Variants in PTPN21 observed in about 807,000 individuals in gnomAD.
The protein encoded by PTPN21 is protein tyrosine phosphatase non-receptor type 21, also known as tyrosine-protein phosphatase non-receptor type 21.
Under a neutral mutation model 131.8 loss-of-function variants are expected in PTPN21, and 77 were observed. The ratio of observed to expected loss-of-function variants is 0.58; its 90% CI spans 0.49 to 0.71. PTPN21 has a LOEUF of 0.71. PTPN21 is among the 30% of genes least tolerant of loss of function. PTPN21 has a pLI of 0.00. For missense variants in PTPN21, 1,552 were observed against 1,527.1 expected (o/e 1.02, Z -0.27); for synonymous variants, 715 against 621.3 (o/e 1.15, Z -2.24).
intron 2 of PTPN21, among the ~76,000 whole-genome samples, chr14:88,523,750 CA>C (rs369556724): frequency 7.9e-5 from 12 of 151,828 alleles, no homozygotes; most frequent in Non-Finnish European, 1.3e-4. Context: ...CACACACACA[CA>C]CACACCCCTG....
In PTPN21 at chr14:88,495,625, C is replaced by T. The variant is rs542780482; in HGVS notation, c.932+788G>A. Among the ~76,000 whole-genome samples, 32 of 152,164 alleles carry T rather than the reference C, an allele frequency of 2.1e-4. No individual in the cohort carries two copies. In the South Asian group the frequency reaches 5.8e-3, roughly 28 times the overall value. On this transcript the variant is annotated intron_variant, in intron 10 of 18. Coordinates refer to ENST00000556564, the MANE Select transcript of PTPN21 (RefSeq NM_007039.4). ...GACAGGTCAGGAGAAGCCCCCTAGA[C>T]GAAAGGATTTGGAGAAAAGGCCTCA...
At chr14:88,551,417 G>A (rs1405511620) in intron 1 of PTPN21, 1 of 152,224 alleles carries the variant, frequency 6.6e-6, no homozygotes, top group African/African-American at 2.4e-5. Context: ...ACGGGGCCTT[G>A]GAGCACTCAG....
intron 2 of PTPN21, among the ~76,000 whole-genome samples, chr14:88,529,149 C>T (rs1273054400): frequency 2.6e-5 from 4 of 152,060 alleles, no homozygotes; most frequent in Admixed American, 2.6e-4. Flanking sequence ...AAGGTATGTC[C>T]CTTCTATGCC....
chr14:88,487,682 A>C (rs1287024924), intron 10 of PTPN21, among the ~76,000 whole-genome samples: 2 of 152,200 alleles, frequency 1.3e-5, no homozygotes, highest in African/African-American at 4.8e-5. Context: ...TCCAAAAGAT[A>C]TTCCATTCTT....
At chr14:88,496,268 G>T in intron 10 of PTPN21, 145 bp downstream of exon 10, 1 of 655,228 alleles carries the variant, frequency 1.5e-6, no homozygotes, top group Non-Finnish European at 2.6e-6. Context: ...TTACAAGTTG[G>T]TCCAAAGCTA....
At position 88,551,558 on chromosome 14, in the gene PTPN21, G is replaced by C. The variant is rs1595427715; in HGVS notation, c.-202-939C>G. ...GGACGGACGCGCTCTAAAAGGACCG[G>C]TCCCTCGGCTCCCGAAGGGAACATT... On this transcript the variant is annotated intron_variant, in intron 1 of 18. Transcript: ENST00000556564. 2.6e-5 allele frequency: 4 copies of C among 152,250 alleles called. No individual in the cohort carries two copies. The South Asian group carries it at 8.3e-4, about 31-fold the overall frequency. The allele number at this position is 152,250 out of a possible 1,614,324, so 9.4% of individuals were successfully genotyped here.
In PTPN21 at chr14:88,540,784, T is replaced by C. The variant is rs1316061020; in HGVS notation, c.180+9454A>G. Among the ~76,000 whole-genome samples, 3 of 152,210 alleles carry C rather than the reference T, an allele frequency of 2.0e-5. No homozygotes were observed. In the East Asian group the frequency reaches 5.8e-4, roughly 29 times the overall value. On this transcript the variant is annotated intron_variant, in intron 2 of 18. Transcript: ENST00000556564. ...TTCAAGTGATCCTCCCACCTCAGCC[T>C]CTAGAGTAGCTGGAACTACAGGTAT... is the stretch of plus-strand genomic sequence containing the variant.
chr14:88,473,156 T>C (rs2077497192), intron 14 of PTPN21, among the ~76,000 whole-genome samples: 2 of 152,076 alleles, frequency 1.3e-5, no homozygotes, highest in African/African-American at 2.4e-5. Flanking sequence ...TATAAAAGAC[T>C]AAAGCAGTAG....
chr14:88,532,917 A>G (rs1337316359), intron 2 of PTPN21, among the ~76,000 whole-genome samples: 1 of 152,216 alleles, frequency 6.6e-6, no homozygotes, highest in Non-Finnish European at 1.5e-5. Context: ...CACTGTTCCT[A>G]AAAGCAGAGG....
Position 88,467,998 on chromosome 14 carries a change from CCATT to C in PTPN21, c.*135_*138del. Reference sequence around the variant, plus strand: ...TTCGCACGTTTCCTTCAGCGTGCCGCCATTCAGACTGCGCCACTTACGTCCCAGT... The same window carrying C: ...TTCGCACGTTTCCTTCAGCGTGCCGCCAGACTGCGCCACTTACGTCCCAGT... On this transcript the variant is annotated 3_prime_UTR_variant, in exon 19 of 19. Coordinates refer to ENST00000556564, the MANE Select transcript of PTPN21 (RefSeq NM_007039.4). 9.2e-7 allele frequency: 1 copy of C among 1,092,686 alleles called. No individual in the cohort carries two copies. The allele number at this position is 1,092,686 out of a possible 1,614,324, so 67.7% of individuals were successfully genotyped here. A position where few individuals can be genotyped will look rare whatever the true frequency, so the allele number is the denominator to read the frequency against.
At chr14:88,496,072 C>T (rs746014429) in intron 10 of PTPN21, among the ~76,000 whole-genome samples, 1 of 152,170 alleles carries the variant, frequency 6.6e-6, no homozygotes, top group African/African-American at 2.4e-5. Flanking sequence ...GAAAAATGCA[C>T]ACCAGGAAGG....
chr14:88,516,426 G>T (rs117468624), intron 3 of PTPN21, among the ~76,000 whole-genome samples: 2,337 of 152,182 alleles, frequency 0.015, 29 homozygotes, highest in Non-Finnish European at 0.024. Context: ...ATTAAATAGG[G>T]TTAAAAAGGT....
At position 88,536,156 on chromosome 14, in the gene PTPN21, C is replaced by T. The variant is rs190087134; in HGVS notation, c.180+14082G>A. ...AAATCACTGAATCTTCTAGCATCCC[C>T]TAGATCAATTCTCAATAGTCACTGT... On this transcript the variant is annotated intron_variant, in intron 2 of 18. Coordinates refer to ENST00000556564, the MANE Select transcript of PTPN21 (RefSeq NM_007039.4). Among the ~76,000 whole-genome samples, 15 of 152,332 alleles carry T rather than the reference C, an allele frequency of 9.8e-5. No individual in the cohort carries two copies. In the East Asian group the frequency reaches 2.9e-3, roughly 29 times the overall value.
In PTPN21 at chr14:88,485,067, G is replaced by A. The variant is rs150862513; in HGVS notation, c.1078+9C>T. On this transcript the variant is annotated intron_variant, in intron 12 of 18. Transcript: ENST00000556564. ...CTATGTAAGGCATGGCAGAAACAGT[G>A]TACTTTACCTTGGGAAGAAGCATAT... is the stretch of plus-strand genomic sequence containing the variant. The A allele has an allele frequency of 5.1e-6, 8 of 1,560,876 alleles. No individual in the cohort carries two copies. The highest frequency in any genetic ancestry group is 4.5e-5 in the East Asian group (2 of 44,642).
At position 88,469,162 on chromosome 14, in the gene PTPN21, T is replaced by TTAA; in HGVS notation, c.3236-89_3236-87dup. On this transcript the variant is annotated intron_variant, in intron 17 of 18. Coordinates refer to ENST00000556564, the MANE Select transcript of PTPN21 (RefSeq NM_007039.4). This position sits in a 1 kb window ranked among gnomAD's most constrained non-coding sequence, Gnocchi z 4.3. The stretch of plus-strand genomic sequence containing the variant: ...TCAATCTTCATATTCTCTCCACTGA[T>TTAA]TAAGAGGACTGCAGATAAAGAGCAC... 7.2e-7 allele frequency: 1 copy of TTAA among 1,396,248 alleles called. No homozygotes were observed. The highest frequency in any genetic ancestry group is 2.2e-5 in the Admixed American group (1 of 44,820). 86.5% of individuals were successfully genotyped at this position (1,396,248 alleles called of 1,614,324 possible).
At chr14:88,517,520 C>T (rs1216070543) in intron 2 of PTPN21, among the ~76,000 whole-genome samples, 4 of 151,896 alleles carry the variant, frequency 2.6e-5, no homozygotes, top group African/African-American at 4.8e-5. Flanking sequence ...CAAAAAAATA[C>T]ATTCACGACC....
intron 3 of PTPN21, among the ~76,000 whole-genome samples, chr14:88,516,178 T>G (rs1321602177): frequency 2.0e-5 from 3 of 152,124 alleles, no homozygotes; most frequent in Non-Finnish European, 4.4e-5. Flanking sequence ...ATTACCATCT[T>G]AACACAAGTA....
intron 2 of PTPN21, among the ~76,000 whole-genome samples, chr14:88,540,766 G>A (rs769120596): frequency 5.9e-5 from 9 of 152,094 alleles, no homozygotes; most frequent in African/African-American, 1.4e-4. Context: ...GGGTTCAAGT[G>A]ATCCTCCCAC....
chr14:88,468,287 T>C (rs202074352), intron 18 of PTPN21, 22 bp from the exon 19 acceptor site: 10 of 1,577,190 alleles, frequency 6.3e-6, no homozygotes, highest in Non-Finnish European at 8.6e-6. Flanking sequence ...GAAACGGTAA[T>C]GAAGATAATG....
Sources: gnomAD v4.1 joint callset for allele counts (sites outside exome capture counted in the v4.1 genomes callset) on GRCh38, gnomAD v4.1.1 for gene constraint, Gnocchi (gnomAD v3.1) non-coding constraint, MANE v1.5 for transcripts, NCBI Gene and HGNC (gene_info 2026-07-23, HGNC 2026-07-21) for gene names.